Variants in PLCL2 observed in about 807,000 individuals in gnomAD.
The protein encoded by PLCL2 is inactive phospholipase C-like protein 2.
A neutral mutation model predicts 79.6 loss-of-function variants in PLCL2; 4 were observed. That is an observed-to-expected ratio of 0.05 (90% CI 0.02 to 0.11). PLCL2 has a LOEUF of 0.11. PLCL2 is among the 10% of genes least tolerant of loss of function. The pLI, the probability that PLCL2 is intolerant of heterozygous loss-of-function variation, is 1.00. For missense variants in PLCL2, 895 were observed against 1,291.0 expected, an observed-to-expected ratio of 0.69 and a Z score of 4.70; for synonymous variants, 484 against 457.7, an observed-to-expected ratio of 1.06 and a Z score of -0.73.
chr3:16,915,292 C>G lies in PLCL2; in HGVS notation c.327+29926C>G, dbSNP rs116194935. ...TTGAAATTTTTATATTTATTCTCAC[C>G]TTGCCTATTTATTTATTTACCTTGC... On this transcript the variant is annotated intron_variant, in intron 1 of 5. Coordinates refer to ENST00000615277, the MANE Select transcript of PLCL2 (RefSeq NM_001144382.2). Among the ~76,000 whole-genome samples the G allele has an allele frequency of 7.1e-3, 1,081 of 152,198 alleles. 18 individuals carry two copies. The highest frequency in any genetic ancestry group is 0.024 in the African/African-American group (984 of 41,506).
chr3:16,936,404 C>T (rs1697540330), intron 1 of PLCL2, among the ~76,000 whole-genome samples: 1 of 152,088 alleles, frequency 6.6e-6, no homozygotes, highest in Non-Finnish European at 1.5e-5. Flanking sequence ...CCAGTAAGTG[C>T]TGTTTGCAAG....
At chr3:16,904,350 C>G (rs1290929608) in intron 1 of PLCL2, among the ~76,000 whole-genome samples, 1 of 149,164 alleles carries the variant, frequency 6.7e-6, no homozygotes, top group African/African-American at 2.5e-5. Flanking sequence ...TTAACACTTA[C>G]GTTTACTGGT....
At chr3:17,067,886 G>T in intron 4 of PLCL2, 70 bp from the exon 5 acceptor site, 2 of 821,378 alleles carry the variant, frequency 2.4e-6, no homozygotes, top group Non-Finnish European at 3.9e-6. Flanking sequence ...CCTAGAAAAA[G>T]AAATATTTCC....
chr3:16,935,957 G>T (rs1697528998), intron 1 of PLCL2, among the ~76,000 whole-genome samples: 3 of 152,148 alleles, frequency 2.0e-5, no homozygotes, highest in African/African-American at 7.2e-5. Context: ...CTTCCTATTT[G>T]AAACACTAGT....
At chr3:16,939,406 T>C (rs17042916) in intron 1 of PLCL2, among the ~76,000 whole-genome samples, 2,503 of 152,338 alleles carry the variant, frequency 0.016, 70 homozygotes, top group African/African-American at 0.056. Context: ...TACTAGCACT[T>C]AGCTTTGCCA....
intron 1 of PLCL2, among the ~76,000 whole-genome samples, chr3:16,942,672 T>C (rs1382851640): frequency 1.3e-5 from 2 of 152,230 alleles, no homozygotes; most frequent in Non-Finnish European, 2.9e-5. Flanking sequence ...CTTAATACTT[T>C]TATTGCTTTC....
intron 3 of PLCL2, among the ~76,000 whole-genome samples, chr3:17,022,976 CT>C (rs1215348663): frequency 7.9e-5 from 12 of 152,316 alleles, no homozygotes; most frequent in South Asian, 6.2e-4. Context: ...GACTTTCTCT[CT>C]TTCCCCCTCT....
At chr3:17,050,962 C>T (rs1009394392) in intron 4 of PLCL2, among the ~76,000 whole-genome samples, 3 of 152,116 alleles carry the variant, frequency 2.0e-5, no homozygotes, top group African/African-American at 4.8e-5. Flanking sequence ...GCTATTCAGC[C>T]ATGGAAAAGA....
chr3:16,932,611 C>A (rs958524835), intron 1 of PLCL2, among the ~76,000 whole-genome samples: 37 of 152,154 alleles, frequency 2.4e-4, no homozygotes, highest in African/African-American at 8.9e-4. Flanking sequence ...CTCTCCATTG[C>A]AGTTCTCTTT....
At chr3:16,892,571 G>A (rs1403018980) in intron 1 of PLCL2, among the ~76,000 whole-genome samples, 3 of 152,152 alleles carry the variant, frequency 2.0e-5, no homozygotes, top group African/African-American at 4.8e-5. Context: ...TTCATTGGAA[G>A]TGCTATAAAA....
At chr3:16,968,458 TG>T (rs2063826953) in intron 1 of PLCL2, among the ~76,000 whole-genome samples, 1 of 152,190 alleles carries the variant, frequency 6.6e-6, no homozygotes, top group African/African-American at 2.4e-5. Flanking sequence ...AGCAGTGTTT[TG>T]GAATTCTCAT....
chr3:16,940,991 G>T (rs1265006547), intron 1 of PLCL2, among the ~76,000 whole-genome samples: 1 of 152,090 alleles, frequency 6.6e-6, no homozygotes, highest in Non-Finnish European at 1.5e-5. Context: ...TATGCTACGA[G>T]CCCTTGGCTT....
At chr3:17,088,718 G>A (rs2065245118) in intron 5 of PLCL2, among the ~76,000 whole-genome samples, 6 of 152,126 alleles carry the variant, frequency 3.9e-5, no homozygotes. Context: ...TGCTAGGGGT[G>A]CTGCTAAATA....
chr3:16,913,766 AG>A (rs779196298), intron 1 of PLCL2, among the ~76,000 whole-genome samples: 6 of 152,144 alleles, frequency 3.9e-5, no homozygotes, highest in Admixed American at 6.5e-5. Context: ...ATTGCTAAAA[AG>A]ATCTTCATAA....
chr3:16,921,692 A>C (rs1396538871), intron 1 of PLCL2, among the ~76,000 whole-genome samples: 1 of 152,168 alleles, frequency 6.6e-6, no homozygotes, highest in African/African-American at 2.4e-5. Context: ...CCAGAATATC[A>C]CTAATTTATT....
chr3:17,046,418 A>G (rs1478213558), intron 4 of PLCL2, among the ~76,000 whole-genome samples: 1 of 152,264 alleles, frequency 6.6e-6, no homozygotes, highest in East Asian at 1.9e-4. Flanking sequence ...TTTCCTTTCT[A>G]GTCACTGAAT....
At chr3:16,995,648 T>C (rs2064146563) in intron 1 of PLCL2, among the ~76,000 whole-genome samples, 1 of 152,250 alleles carries the variant, frequency 6.6e-6, no homozygotes, top group African/African-American at 2.4e-5. Context: ...CCATTTTGAT[T>C]TTAGCACTTT....
intron 1 of PLCL2, among the ~76,000 whole-genome samples, chr3:17,007,672 A>G (rs1366282349): frequency 6.6e-6 from 1 of 152,236 alleles, no homozygotes; most frequent in African/African-American, 2.4e-5. Flanking sequence ...TTGGAAGTAT[A>G]GGTAGTTAGA....
intron 1 of PLCL2, among the ~76,000 whole-genome samples, chr3:16,894,796 GGTT>G (rs762234793): frequency 2.0e-5 from 3 of 151,572 alleles, no homozygotes; most frequent in South Asian, 2.1e-4. Flanking sequence ...TAAAAAGTCA[GGTT>G]GTTTTTATTT....
Sources: allele counts gnomAD v4.1 joint callset (sites outside exome capture counted in the v4.1 genomes callset), GRCh38; gene constraint gnomAD v4.1.1; transcripts MANE v1.5; gene names NCBI Gene and HGNC (gene_info 2026-07-23, HGNC 2026-07-21).